ARHGEF4: variants seen among roughly 807,000 people sequenced by gnomAD.
The protein encoded by ARHGEF4 is APC-stimulated guanine nucleotide exchange factor 1.
ARHGEF4 carries 119 observed loss-of-function variants against 162.0 expected under a neutral mutation model. The ratio of observed to expected loss-of-function variants is 0.73; its 90% confidence interval spans 0.63 to 0.86. ARHGEF4 has a LOEUF of 0.86. ARHGEF4 is among the 40% of genes least tolerant of loss of function. The pLI is 0.00. For synonymous variants in ARHGEF4, 1,014 were observed against 979.9 expected (o/e 1.03, Z -0.65); for missense variants, 2,488 against 2,456.0 (o/e 1.01, Z -0.28).
chr2:130,917,241 C>G lies in ARHGEF4; in HGVS notation c.3295C>G (p.Pro1099Ala), dbSNP rs770275136. ...GAGCCCCAAGCCCCTGAGTCCCAGGCCTAGTGCTCAGCGGATGGGTCTCCA... is the reference window on the plus strand; with the variant it reads ...GAGCCCCAAGCCCCTGAGTCCCAGGGCTAGTGCTCAGCGGATGGGTCTCCA... ...PTSPKPLSPR[P>A]SAQRMGLHYP... is the part of the protein sequence containing the mutation. The change falls in exon 2 of 14, where the codon CCT becomes GCT. Residue 1099 changes from proline (P) to alanine (A), a missense_variant. By Grantham distance (27) the Pro-to-Ala change is conservative. Around this residue, in one of 6 missense-constraint regions of ARHGEF4, gnomAD observed 1,642 missense variants for 1,481.5 expected, o/e 1.11. Coordinates refer to ENST00000409359, the MANE Select transcript of ARHGEF4 (RefSeq NM_001367493.1). 9 of 1,550,514 alleles carry G rather than the reference C, an allele frequency of 5.8e-6. No individual in the cohort carries two copies. The South Asian group carries it at 1.1e-4, about 18-fold the overall frequency.
intron 1 of ARHGEF4, among the ~76,000 whole-genome samples, chr2:130,867,203 A>G (rs1682341123): frequency 6.6e-6 from 1 of 151,340 alleles, no homozygotes. Flanking sequence ...AGTCCATGGT[A>G]TCTATAATGA....
intron 1 of ARHGEF4, among the ~76,000 whole-genome samples, chr2:130,904,972 G>A (rs1680729465): frequency 6.6e-6 from 1 of 152,176 alleles, no homozygotes; most frequent in Non-Finnish European, 1.5e-5. Context: ...CCAGCTATTG[G>A]GGAGGCTGAG....
intron 1 of ARHGEF4, among the ~76,000 whole-genome samples, chr2:130,843,541 G>C (rs929702456): frequency 2.6e-5 from 4 of 152,118 alleles, no homozygotes; most frequent in African/African-American, 9.7e-5. Context: ...AGAGGCACCA[G>C]TGCTTCCTCG....
intron 4 of ARHGEF4, among the ~76,000 whole-genome samples, chr2:130,976,349 C>CTGTGTG (rs70994727): frequency 0.074 from 10,935 of 148,016 alleles, 743 homozygotes; most frequent in African/African-American, 0.19. Context: ...GTGTGTGTGT[C>CTGTGTG]TGTGTGTGTG....
chr2:130,945,899 G>T (rs1223216940), intron 3 of ARHGEF4, among the ~76,000 whole-genome samples: 1 of 152,056 alleles, frequency 6.6e-6, no homozygotes, highest in East Asian at 1.9e-4. Context: ...GAATAAAAAA[G>T]CAAAAAGTAA....
Position 130,917,171 on chromosome 2 carries a change from C to G in ARHGEF4, c.3225C>G (p.Ala1075=). Reference sequence around the variant, plus strand: ...CACACACCCTGCCTTCCAGCTCTGCCTGCTGCCTGGCATATGAAAACCCCG... The same window carrying G: ...CACACACCCTGCCTTCCAGCTCTGCGTGCTGCCTGGCATATGAAAACCCCG... ...GIAHTLPSSS[A]CCLAYENPGT... The change falls in exon 2 of 14, where the codon GCC becomes GCG. Residue 1075 remains alanine, a synonymous_variant. Transcript: ENST00000409359. 6.4e-7 allele frequency: 1 copy of G among 1,550,560 alleles called. No individual in the cohort carries two copies.
Position 130,915,577 on chromosome 2 carries a change from T to G in ARHGEF4, c.1631T>G (p.Leu544Trp), listed in dbSNP as rs1263678219. ...TGGAGTGGAGACTTGATGGGCTGCT[T>G]GGAAGTGAGTGACAGTTCAGATGCC... is the stretch of plus-strand genomic sequence containing the variant. ...QVWSGDLMGC[L>W]EVSDSSDAPE... Residue 544 changes from leucine (L) to tryptophan (W), a missense_variant, in exon 2 of 14, where the codon TTG becomes TGG. Coordinates refer to ENST00000409359, the MANE Select transcript of ARHGEF4 (RefSeq NM_001367493.1). The G allele has an allele frequency of 6.4e-7, 1 of 1,550,416 alleles. No homozygotes were observed. The highest frequency in any genetic ancestry group is 2.0e-5 in the Admixed American group (1 of 50,992).
intron 4 of ARHGEF4, among the ~76,000 whole-genome samples, chr2:131,026,210 C>T (rs575264828): frequency 1.3e-5 from 2 of 152,174 alleles, no homozygotes; most frequent in African/African-American, 2.4e-5. Flanking sequence ...CAACCTCACT[C>T]TATACCACAA....
intron 4 of ARHGEF4, among the ~76,000 whole-genome samples, chr2:130,999,440 G>A (rs544386340): frequency 3.9e-5 from 6 of 152,264 alleles, no homozygotes; most frequent in South Asian, 4.1e-4. Flanking sequence ...ACAGGCATGA[G>A]CCACTGTGCC....
intron 1 of ARHGEF4, among the ~76,000 whole-genome samples, chr2:130,855,118 G>C (rs1403464009): frequency 6.6e-6 from 1 of 151,612 alleles, no homozygotes; most frequent in East Asian, 1.9e-4. Flanking sequence ...CTTGTGATCC[G>C]CCTGCCTCGG....
chr2:131,010,908 A>AG (rs1187233830), intron 4 of ARHGEF4, among the ~76,000 whole-genome samples: 2 of 152,240 alleles, frequency 1.3e-5, no homozygotes, highest in African/African-American at 2.4e-5. Context: ...ACTCGTGTTT[A>AG]TGTGTTTAAA....
At chr2:131,007,408 C>A (rs995987842) in intron 4 of ARHGEF4, among the ~76,000 whole-genome samples, 6 of 152,162 alleles carry the variant, frequency 3.9e-5, no homozygotes, top group Admixed American at 3.9e-4. Flanking sequence ...ATTACTTTTT[C>A]ACTCAAGTTT....
In ARHGEF4 at chr2:130,913,137, AT is replaced by A. The variant is rs556281327; in HGVS notation, c.40-846del. ...TGTGGATAAGGGTGGCTACTGTATAATTTGTTTATCTGAAACTCCAGAAAAG... is the reference window on the plus strand; with the variant it reads ...TGTGGATAAGGGTGGCTACTGTATAATTGTTTATCTGAAACTCCAGAAAAG... On this transcript the variant is annotated intron_variant, in intron 1 of 13. Coordinates refer to ENST00000409359, the MANE Select transcript of ARHGEF4 (RefSeq NM_001367493.1). 2.9e-3 allele frequency among the ~76,000 whole-genome samples: 449 copies of A among 152,234 alleles called. 8 individuals carry two copies. Among genetic ancestry groups the A allele is most frequent in the Middle Eastern group, 3.4e-3 (1 of 294 alleles).
In ARHGEF4 at chr2:131,046,511, G is replaced by A. The variant is rs1015144108; in HGVS notation, c.*322G>A. The A allele has an allele frequency of 6.8e-6, 2 of 295,720 alleles. No individual in the cohort carries two copies. The highest frequency in any genetic ancestry group is 1.3e-5 in the Non-Finnish European group (2 of 159,198). The allele number at this position is 295,720 out of a possible 1,614,324, so 18.3% of individuals were successfully genotyped here. On this transcript the variant is annotated 3_prime_UTR_variant, in exon 14 of 14. Coordinates refer to ENST00000409359, the MANE Select transcript of ARHGEF4 (RefSeq NM_001367493.1). ...ACCGCAGCTCAGCCCAGGCCCAGCT[G>A]GGGAGAAGGCGCTACCTGCGTGGGA...
intron 1 of ARHGEF4, among the ~76,000 whole-genome samples, chr2:130,850,395 C>T (rs951183585): frequency 2.6e-5 from 4 of 152,232 alleles, no homozygotes; most frequent in Non-Finnish European, 5.9e-5. Context: ...GCAGCTGCTG[C>T]TGCCTGTGGC....
At chr2:130,921,197 C>A (rs112003676) in intron 2 of ARHGEF4, among the ~76,000 whole-genome samples, 10 of 152,346 alleles carry the variant, frequency 6.6e-5, no homozygotes, top group African/African-American at 2.2e-4. Flanking sequence ...CCTTCCCCTG[C>A]TCTAATTAAG....
intron 4 of ARHGEF4, among the ~76,000 whole-genome samples, chr2:130,978,072 T>C (rs1038746057): frequency 3.3e-5 from 5 of 152,230 alleles, no homozygotes; most frequent in African/African-American, 1.2e-4. Context: ...AGATCCCTTT[T>C]CTGAGGAAGG....
intron 11 of ARHGEF4, 40 bp downstream of exon 11, chr2:131,043,623 A>G: frequency 6.2e-7 from 1 of 1,612,262 alleles, no homozygotes; most frequent in African/African-American, 1.3e-5. Context: ...AAGTTGAGCA[A>G]GTGGAGGGAG....
rs1000070238 is a variant in ARHGEF4 at position 130,877,256 on chromosome 2, A to T, written c.40-36730A>T. Among the ~76,000 whole-genome samples, 8 of 152,022 alleles carry T rather than the reference A, an allele frequency of 5.3e-5. 1 individual carries two copies. Among genetic ancestry groups the T allele is most frequent in the Non-Finnish European group, 1.0e-4 (7 of 67,998 alleles). ...AAGTGGAGAGGGGATGTGCTTTTTT[A>T]AAAAAAATCATTTATTTTAAGATTT... On this transcript the variant is annotated intron_variant, in intron 1 of 13. Coordinates refer to ENST00000409359, the MANE Select transcript of ARHGEF4 (RefSeq NM_001367493.1).
Sources: allele counts gnomAD v4.1 joint callset (sites outside exome capture counted in the v4.1 genomes callset), GRCh38; gene constraint gnomAD v4.1.1; regional missense constraint gnomAD v4.1.1; transcripts MANE v1.5; gene names NCBI Gene and HGNC (gene_info 2026-07-23, HGNC 2026-07-21).